Variants in XPR1 observed in about 807,000 individuals in gnomAD.
XPR1 encodes solute carrier family 53 member 1.
A neutral mutation model predicts 87.5 loss-of-function variants in XPR1; 28 were observed. The ratio of observed to expected loss-of-function variants is 0.32; its 90% CI spans 0.24 to 0.44. The LOEUF is 0.44. Among genes scored for constraint, XPR1 ranks in the 20% least tolerant of loss-of-function variants. XPR1 has a pLI of 1.00. For missense variants in XPR1, 559 were observed against 862.3 expected, an observed-to-expected ratio of 0.65 and a Z score of 4.41; for synonymous variants, 300 against 306.1, an observed-to-expected ratio of 0.98 and a Z score of 0.21.
intron 7 of XPR1, among the ~76,000 whole-genome samples, chr1:180,813,566 G>A (rs2102134554): frequency 6.6e-6 from 1 of 152,226 alleles, no homozygotes; most frequent in South Asian, 2.1e-4. Flanking sequence ...GTAGAACACT[G>A]CTTAGACCAT....
intron 2 of XPR1, among the ~76,000 whole-genome samples, chr1:180,695,895 G>A (rs1310128676): frequency 6.6e-6 from 1 of 151,954 alleles, no homozygotes; most frequent in African/African-American, 2.4e-5. Context: ...TTTTGCTTGG[G>A]ATTGCTTTGG....
chr1:180,856,552 G>A (rs538218327), intron 11 of XPR1, among the ~76,000 whole-genome samples: 26 of 152,182 alleles, frequency 1.7e-4, no homozygotes, highest in African/African-American at 4.1e-4. Flanking sequence ...AAGTCAACAC[G>A]TCAAAAAATA....
chr1:180,653,660 G>T (rs1293013041), intron 1 of XPR1, among the ~76,000 whole-genome samples: 1 of 151,962 alleles, frequency 6.6e-6, no homozygotes, highest in Non-Finnish European at 1.5e-5. Flanking sequence ...AATAAATTAG[G>T]CACAATAAGA....
At chr1:180,633,118 C>G (rs760290248) in intron 1 of XPR1, among the ~76,000 whole-genome samples, 1 of 152,148 alleles carries the variant, frequency 6.6e-6, no homozygotes, top group Non-Finnish European at 1.5e-5. Flanking sequence ...ATCATGCTCC[C>G]CATTCCCTCC....
chr1:180,710,163 A>AT (rs1266278621), intron 2 of XPR1, among the ~76,000 whole-genome samples: 1 of 148,984 alleles, frequency 6.7e-6, no homozygotes, highest in African/African-American at 2.5e-5. Flanking sequence ...AAGTGCTGGG[A>AT]TTACAGGTGT....
rs1486236123 is a variant in XPR1 at position 180,759,585 on chromosome 1, T to G, written c.122-28168T>G. 3.3e-5 allele frequency among the ~76,000 whole-genome samples: 5 copies of G among 152,174 alleles called. No homozygotes were observed. In the East Asian group the frequency reaches 5.8e-4, roughly 18 times the overall value. On this transcript the variant is annotated intron_variant, in intron 2 of 14. Coordinates refer to ENST00000367590, the MANE Select transcript of XPR1 (RefSeq NM_004736.4). Reference sequence around the variant, plus strand: ...ACCAGGAAGAAGTTGAATCTCTGAATAGACCAATAACAGGCTCTGAAATTG... The same window carrying G: ...ACCAGGAAGAAGTTGAATCTCTGAAGAGACCAATAACAGGCTCTGAAATTG...
At chr1:180,868,658 T>G (rs200442053) in intron 12 of XPR1, among the ~76,000 whole-genome samples, 1 of 97,286 alleles carries the variant, frequency 1.0e-5, no homozygotes, top group Non-Finnish European at 2.1e-5. Flanking sequence ...TTTTGCACAT[T>G]GATTTTGTAT....
intron 1 of XPR1, among the ~76,000 whole-genome samples, chr1:180,645,628 C>T (rs1032789994): frequency 2.0e-5 from 3 of 152,174 alleles, no homozygotes; most frequent in African/African-American, 7.2e-5. Context: ...CAGTGATCTA[C>T]CTTTAGAAAG....
chr1:180,754,665 C>T (rs1647660913), intron 2 of XPR1, among the ~76,000 whole-genome samples: 1 of 152,022 alleles, frequency 6.6e-6, no homozygotes, highest in Non-Finnish European at 1.5e-5. Flanking sequence ...TTTCGCCATG[C>T]TGCCCAGGCT....
intron 7 of XPR1, among the ~76,000 whole-genome samples, chr1:180,811,982 G>C (rs1650233551): frequency 6.6e-6 from 1 of 152,040 alleles, no homozygotes; most frequent in Non-Finnish European, 1.5e-5. Context: ...GAAAGAGATA[G>C]GAAGGATTCC....
At chr1:180,705,839 A>G (rs1025658506) in intron 2 of XPR1, among the ~76,000 whole-genome samples, 2 of 152,220 alleles carry the variant, frequency 1.3e-5, no homozygotes, top group Non-Finnish European at 2.9e-5. Flanking sequence ...TATTAGGTAG[A>G]TATCCTCAGA....
rs374317248 is a variant in XPR1, at chr1:180,650,748, A to T, written c.69+18478A>T. ...AGTAGCTGAAATTAAATTTGTTGCAATTGAGCCTTTTTTTCATTTATTATC... is the reference window on the plus strand; with the variant it reads ...AGTAGCTGAAATTAAATTTGTTGCATTTGAGCCTTTTTTTCATTTATTATC... On this transcript the variant is annotated intron_variant, in intron 1 of 14. Transcript: ENST00000367590. Among the ~76,000 whole-genome samples, 4 of 152,262 alleles carry T rather than the reference A, an allele frequency of 2.6e-5. No individual in the cohort carries two copies. In the East Asian group the frequency reaches 7.7e-4, roughly 29 times the overall value.
intron 2 of XPR1, among the ~76,000 whole-genome samples, chr1:180,748,704 A>G (rs1177448872): frequency 6.6e-6 from 1 of 152,006 alleles, no homozygotes; most frequent in African/African-American, 2.4e-5. Flanking sequence ...AGCATGAGCC[A>G]CCGTGCTCGG....
chr1:180,872,958 C>CTT (rs1168947681), intron 12 of XPR1, among the ~76,000 whole-genome samples: 1 of 139,704 alleles, frequency 7.2e-6, no homozygotes. Context: ...GGCCAGGGGA[C>CTT]TTTTTTTTTT....
intron 2 of XPR1, among the ~76,000 whole-genome samples, chr1:180,784,652 T>TA (rs1326149203): frequency 6.6e-6 from 1 of 152,050 alleles, no homozygotes; most frequent in Non-Finnish European, 1.5e-5. Context: ...TTCTATTTTT[T>TA]ATAGTATTTT....
In XPR1 at chr1:180,835,769, G is replaced by A. The variant is rs114152785; in HGVS notation, c.1306+724G>A. Among the ~76,000 whole-genome samples the A allele has an allele frequency of 7.8e-3, 1,184 of 152,208 alleles. 17 individuals are homozygous for A. Among genetic ancestry groups the A allele is most frequent in the African/African-American group, 0.027 (1,131 of 41,512 alleles). The stretch of plus-strand genomic sequence containing the variant: ...CTTGGTTTAAAAAAAGAGGGGAGGT[G>A]GGTGTACAAGAGAATGTGCTCTTGG... On this transcript the variant is annotated intron_variant, in intron 10 of 14. Coordinates refer to ENST00000367590, the MANE Select transcript of XPR1 (RefSeq NM_004736.4).
chr1:180,653,533 C>T (rs1371739302), intron 1 of XPR1, among the ~76,000 whole-genome samples: 3 of 152,000 alleles, frequency 2.0e-5, no homozygotes. Context: ...TAGTCCCCCC[C>T]TTATCCACAG....
At chr1:180,774,371 C>CT (rs1436147364) in intron 2 of XPR1, among the ~76,000 whole-genome samples, 2 of 142,650 alleles carry the variant, frequency 1.4e-5, no homozygotes, top group African/African-American at 5.1e-5. Context: ...AAAAAGAAAT[C>CT]TGTCTTTCCT....
chr1:180,829,510 C>G (rs976190860), intron 9 of XPR1, among the ~76,000 whole-genome samples: 1 of 152,164 alleles, frequency 6.6e-6, no homozygotes, highest in Admixed American at 6.5e-5. Flanking sequence ...TGTTTATGCT[C>G]TCCCTCTCAC....
Sources: allele counts gnomAD v4.1 joint callset (sites outside exome capture counted in the v4.1 genomes callset), GRCh38; gene constraint gnomAD v4.1.1; transcripts MANE v1.5; gene names NCBI Gene and HGNC (gene_info 2026-07-23, HGNC 2026-07-21).